MAD1L1: variants seen among roughly 807,000 people sequenced by gnomAD.
The protein encoded by MAD1L1 is mitotic spindle assembly checkpoint protein MAD1.
In MAD1L1, 95 loss-of-function variants were observed where a neutral mutation model predicts 96.9. That is an observed-to-expected ratio of 0.98 (90% CI 0.83 to 1.16). The LOEUF (loss-of-function observed/expected upper bound fraction) is 1.16, where lower values mean the gene tolerates loss of function less well. Ranked by LOEUF, MAD1L1 falls within the 50% of genes most tolerant of loss-of-function variation. The pLI, the probability that MAD1L1 is intolerant of heterozygous loss-of-function variation, is 0.00. For missense variants in MAD1L1, 1,007 were observed against 954.4 expected, an observed-to-expected ratio of 1.06 and a Z score of -0.73; for synonymous variants, 473 against 396.6, an observed-to-expected ratio of 1.19 and a Z score of -2.29.
At chr7:1,994,899 C>T (rs957491517) in intron 14 of MAD1L1, among the ~76,000 whole-genome samples, 18 of 152,312 alleles carry the variant, frequency 1.2e-4, no homozygotes, top group East Asian at 1.9e-4. Flanking sequence ...AGGCCAGTCT[C>T]GAACTCCTGG....
intron 10 of MAD1L1, among the ~76,000 whole-genome samples, chr7:2,201,697 G>A (rs774566762): frequency 2.6e-5 from 4 of 152,190 alleles, no homozygotes; most frequent in Non-Finnish European, 4.4e-5. Flanking sequence ...CGGACACGCC[G>A]CAGAGCACTC....
intron 10 of MAD1L1, among the ~76,000 whole-genome samples, chr7:2,171,773 AAGCCC>A: frequency 6.6e-6 from 1 of 152,036 alleles, no homozygotes; most frequent in East Asian, 1.9e-4. Context: ...GGCAGCAGAG[AAGCCC>A]AGCAGTTGGA....
intron 14 of MAD1L1, among the ~76,000 whole-genome samples, chr7:1,985,288 T>C (rs111240205): frequency 1.1e-4 from 17 of 152,368 alleles, no homozygotes; most frequent in African/African-American, 4.1e-4. Context: ...CCTGGTGGCC[T>C]GAGCGGGGCA....
At chr7:1,829,156 G>C (rs80014465) in intron 18 of MAD1L1, among the ~76,000 whole-genome samples, 2 of 152,256 alleles carry the variant, frequency 1.3e-5, no homozygotes, top group African/African-American at 4.8e-5. Flanking sequence ...GAGTCCTGGA[G>C]GCAGGCTGGT....
chr7:1,879,920 C>T (rs1394378928), intron 18 of MAD1L1, among the ~76,000 whole-genome samples: 3 of 152,122 alleles, frequency 2.0e-5, no homozygotes, highest in Admixed American at 6.5e-5. Flanking sequence ...TTAGCAGAGA[C>T]GGGATTTCAC....
Position 2,117,294 on chromosome 7 carries a change from T to C in MAD1L1, c.1073+31858A>G, listed in dbSNP as rs544838075. Among the ~76,000 whole-genome samples, 13 of 152,218 alleles carry C rather than the reference T, an allele frequency of 8.5e-5. 1 individual carries two copies. In the South Asian group the frequency reaches 2.7e-3, roughly 32 times the overall value. ...AAGCCAAGTCAACCCCTGTGCAAAC[T>C]AACAGGCAGTCCAGCTCCACAAGCA... On this transcript the variant is annotated intron_variant, in intron 11 of 18. Coordinates refer to ENST00000265854, the MANE Select transcript of MAD1L1 (RefSeq NM_001013836.2).
At position 2,231,526 on chromosome 7, in the gene MAD1L1, G is replaced by C. The variant is rs1424580640; in HGVS notation, c.-189-799C>G. The stretch of plus-strand genomic sequence containing the variant: ...GGAGGCTGGGACAGGAGATTTTCTT[G>C]AACCCAGGAGATGGAGGTTGCAGTG... On this transcript the variant is annotated intron_variant, in intron 1 of 18. Coordinates refer to ENST00000265854, the MANE Select transcript of MAD1L1 (RefSeq NM_001013836.2). 2.0e-5 allele frequency among the ~76,000 whole-genome samples: 3 copies of C among 151,880 alleles called. No individual in the cohort carries two copies. The East Asian group carries it at 5.8e-4, about 29-fold the overall frequency.
intron 17 of MAD1L1, among the ~76,000 whole-genome samples, chr7:1,928,994 C>T (rs1327688747): frequency 6.6e-6 from 1 of 152,200 alleles, no homozygotes; most frequent in Non-Finnish European, 1.5e-5. Context: ...CAGACAGAAG[C>T]AGTGCACAGG....
At chr7:2,057,751 T>C (rs950603105) in intron 12 of MAD1L1, among the ~76,000 whole-genome samples, 1 of 152,196 alleles carries the variant, frequency 6.6e-6, no homozygotes, top group Non-Finnish European at 1.5e-5. Flanking sequence ...ATTTATGGGG[T>C]AGGCCTTCGT....
At chr7:1,856,037 G>A (rs1181628110) in intron 18 of MAD1L1, among the ~76,000 whole-genome samples, 1 of 152,204 alleles carries the variant, frequency 6.6e-6, no homozygotes, top group East Asian at 1.9e-4. Context: ...CGGTGAGGGA[G>A]CTCTCGGCTT....
At chr7:1,959,688 C>T (rs577203269) in intron 15 of MAD1L1, among the ~76,000 whole-genome samples, 35 of 152,318 alleles carry the variant, frequency 2.3e-4, no homozygotes, top group South Asian at 1.0e-3. Context: ...GCCACCTTAA[C>T]GGTGAAAACA....
At chr7:2,012,219 C>T (rs1389118941) in intron 13 of MAD1L1, among the ~76,000 whole-genome samples, 2 of 152,194 alleles carry the variant, frequency 1.3e-5, no homozygotes, top group African/African-American at 4.8e-5. Context: ...TCCTGAGGTC[C>T]CTGACAGCCC....
intron 12 of MAD1L1, among the ~76,000 whole-genome samples, chr7:2,047,861 A>G (rs1783995825): frequency 6.6e-6 from 1 of 152,178 alleles, no homozygotes. Flanking sequence ...ACACACGTGC[A>G]CTCACGTGCA....
chr7:1,829,335 C>T (rs1479398884), intron 18 of MAD1L1: 1 of 152,316 alleles, frequency 6.6e-6, no homozygotes, highest in Non-Finnish European at 1.5e-5. Context: ...CCCTGGTTCT[C>T]AGAGCTCTGA....
At chr7:1,870,135 A>C (rs1000535476) in intron 18 of MAD1L1, among the ~76,000 whole-genome samples, 17 of 152,032 alleles carry the variant, frequency 1.1e-4, no homozygotes, top group African/African-American at 3.9e-4. Context: ...GTCGGCAGGA[A>C]GGCTGTGCAG....
intron 12 of MAD1L1, among the ~76,000 whole-genome samples, chr7:2,056,005 AAC>A (rs780827221): frequency 2.6e-5 from 4 of 152,180 alleles, no homozygotes; most frequent in Non-Finnish European, 5.9e-5. Context: ...ATAAATAAAA[AAC>A]ACAAATCTAG....
chr7:1,820,327 G>C (rs1170091395), intron 18 of MAD1L1, among the ~76,000 whole-genome samples: 1 of 152,124 alleles, frequency 6.6e-6, no homozygotes, highest in Non-Finnish European at 1.5e-5. Context: ...TATCAGGAAA[G>C]GAGAAAGATC....
At chr7:1,972,767 AC>A (rs1327130218) in intron 15 of MAD1L1, among the ~76,000 whole-genome samples, 1 of 151,852 alleles carries the variant, frequency 6.6e-6, no homozygotes, top group Non-Finnish European at 1.5e-5. Context: ...AAATTAAGAG[AC>A]CATTCCTCTT....
At chr7:1,816,479 G>A (rs546178430) in intron 18 of MAD1L1, among the ~76,000 whole-genome samples, 1 of 152,306 alleles carries the variant, frequency 6.6e-6, no homozygotes, top group Non-Finnish European at 1.5e-5. Context: ...CAGGCACTGT[G>A]GGGTGTGCCC....
Sources: allele counts gnomAD v4.1 joint callset (sites outside exome capture counted in the v4.1 genomes callset), GRCh38; gene constraint gnomAD v4.1.1; transcripts MANE v1.5; gene names NCBI Gene and HGNC (gene_info 2026-07-23, HGNC 2026-07-21).